OR2L13: variants seen among roughly 807,000 people sequenced by gnomAD.
OR2L13 encodes olfactory receptor 2L13.
OR2L13 carries 14 observed loss-of-function variants against 15.3 expected under a neutral mutation model. The ratio of observed to expected loss-of-function variants is 0.91; its 90% CI spans 0.60 to 1.43. OR2L13 has a LOEUF of 1.43. Among genes scored for constraint, OR2L13 ranks in the 40% most tolerant of loss-of-function variants. The pLI is 0.00. For synonymous variants in OR2L13, 152 were observed against 142.9 expected, an observed-to-expected ratio of 1.06 and a Z score of -0.45; for missense variants, 367 against 387.9, an observed-to-expected ratio of 0.95 and a Z score of 0.45.
chr1:248,052,859 GAAA>G, the OR2L13 span, among the ~76,000 whole-genome samples: 1 of 149,568 alleles, frequency 6.7e-6, no homozygotes, highest in Non-Finnish European at 1.5e-5. Context: ...TTCTGTTTCT[GAAA>G]AAAAAAATTT....
chr1:247,951,019 T>G, the OR2L13 span, among the ~76,000 whole-genome samples: 1 of 152,092 alleles, frequency 6.6e-6, no homozygotes, highest in Non-Finnish European at 1.5e-5. Context: ...TTTCAAAACA[T>G]CACATACACT....
the OR2L13 span, among the ~76,000 whole-genome samples, chr1:248,066,734 A>C: frequency 2.0e-5 from 3 of 152,168 alleles, no homozygotes; most frequent in African/African-American, 7.2e-5. Context: ...TTCCCTCTTT[A>C]AGGAAACTTA....
At chr1:247,982,214 A>T in the OR2L13 span, among the ~76,000 whole-genome samples, 2 of 152,194 alleles carry the variant, frequency 1.3e-5, no homozygotes, top group Non-Finnish European at 2.9e-5. Flanking sequence ...TAGGTTTCAT[A>T]AATCTCTGAA....
chr1:247,940,727 C>T, the OR2L13 span, among the ~76,000 whole-genome samples: 2 of 54,698 alleles, frequency 3.7e-5, no homozygotes, highest in Non-Finnish European at 7.1e-5. Flanking sequence ...TGTGTGCATA[C>T]GTGCGTGTGT....
the OR2L13 span, among the ~76,000 whole-genome samples, chr1:247,969,027 G>C: frequency 3.9e-5 from 6 of 152,042 alleles, no homozygotes; most frequent in African/African-American, 1.4e-4. Context: ...ACTTTTTAAT[G>C]ATCACCATTC....
chr1:247,940,165 G>A, the OR2L13 span, among the ~76,000 whole-genome samples: 1 of 152,016 alleles, frequency 6.6e-6, no homozygotes, highest in Non-Finnish European at 1.5e-5. Flanking sequence ...TACATTGATT[G>A]TAGTCAAATC....
At chr1:247,960,670 C>T in the OR2L13 span, among the ~76,000 whole-genome samples, 2 of 152,298 alleles carry the variant, frequency 1.3e-5, no homozygotes, top group East Asian at 1.9e-4. Context: ...CTCGCTGCCA[C>T]CTTGCAGTTG....
chr1:248,062,209 T>C, the OR2L13 span: 5 of 152,308 alleles, frequency 3.3e-5, no homozygotes, highest in East Asian at 7.7e-4. Context: ...ATGTTCTTTA[T>C]AGGGGAATGA....
chr1:248,039,552 C>T, the OR2L13 span: 1 of 170,560 alleles, frequency 5.9e-6, no homozygotes, highest in African/African-American at 2.4e-5. Flanking sequence ...CCTAAGTTAG[C>T]TGCGATTACA....
At chr1:247,979,315 C>T in the OR2L13 span, among the ~76,000 whole-genome samples, 5,864 of 152,058 alleles carry the variant, frequency 0.039, 348 homozygotes, top group African/African-American at 0.13. Flanking sequence ...TCCCTCAGGC[C>T]ACCACCCCCC....
chr1:248,024,546 C>A, the OR2L13 span, among the ~76,000 whole-genome samples: 1 of 152,004 alleles, frequency 6.6e-6, no homozygotes, highest in South Asian at 2.1e-4. Context: ...TTAGGTCTAA[C>A]GTTTAAGTCT....
the OR2L13 span, among the ~76,000 whole-genome samples, chr1:248,082,702 A>G: frequency 6.6e-6 from 1 of 152,136 alleles, no homozygotes; most frequent in Non-Finnish European, 1.5e-5. Flanking sequence ...GCAAACCCCA[A>G]ACCTTTAGAA....
chr1:247,941,682 T>C, the OR2L13 span, among the ~76,000 whole-genome samples: 1 of 151,744 alleles, frequency 6.6e-6, no homozygotes, highest in East Asian at 1.9e-4. Flanking sequence ...GAGAGAGACC[T>C]TGTCATGAAA....
At chr1:248,013,567 G>T in the OR2L13 span, 7 of 152,220 alleles carry the variant, frequency 4.6e-5, no homozygotes, top group African/African-American at 1.4e-4. Context: ...TATGGAATCC[G>T]CATGAAGGTC....
At chr1:248,043,758 A>G in the OR2L13 span, among the ~76,000 whole-genome samples, 3 of 152,200 alleles carry the variant, frequency 2.0e-5, no homozygotes, top group East Asian at 5.8e-4. Context: ...CTCCACAGAC[A>G]GAGTAGGGCG....
chr1:248,001,756 G>A, the OR2L13 span, among the ~76,000 whole-genome samples: 3 of 151,792 alleles, frequency 2.0e-5, no homozygotes, highest in Non-Finnish European at 4.4e-5. Flanking sequence ...TAAAACCCTG[G>A]AACATGGATA....
chr1:248,024,636 T>G, the OR2L13 span, among the ~76,000 whole-genome samples: 12 of 152,206 alleles, frequency 7.9e-5, no homozygotes, highest in Non-Finnish European at 1.6e-4. Context: ...GCTAGCCAGT[T>G]TTCCCAGCAC....
At chr1:248,020,588 CTGAA>C in the OR2L13 span, among the ~76,000 whole-genome samples, 1 of 151,982 alleles carries the variant, frequency 6.6e-6, no homozygotes, top group Non-Finnish European at 1.5e-5. Context: ...AATTGTGAAA[CTGAA>C]TGAGGAGGCA....
the OR2L13 span, chr1:247,965,350 A>G: frequency 6.3e-7 from 1 of 1,588,642 alleles, no homozygotes; most frequent in Non-Finnish European, 8.6e-7. Flanking sequence ...TTCAGATGTC[A>G]TCTCCTTTGA....
Sources: allele counts gnomAD v4.1 joint callset (sites outside exome capture counted in the v4.1 genomes callset), GRCh38; gene constraint gnomAD v4.1.1; transcripts MANE v1.5; gene names NCBI Gene and HGNC (gene_info 2026-07-23, HGNC 2026-07-21).